Variants in PDZD2 observed in about 807,000 individuals in gnomAD.
The protein encoded by PDZD2 is PDZ domain containing 2.
A neutral mutation model predicts 220.7 loss-of-function variants in PDZD2; 90 were observed. The observed-to-expected ratio is 0.41, with a 90% CI of 0.34 to 0.49. The LOEUF is 0.49. Among genes scored for constraint, PDZD2 ranks in the 20% least tolerant of loss-of-function variants. The pLI is 0.28. For missense variants in PDZD2, 3,174 were observed against 3,608.5 expected (o/e 0.88, Z 3.08); for synonymous variants, 1,375 against 1,450.5 (o/e 0.95, Z 1.18).
At chr5:31,640,410 A>G (rs570398891) in intron 1 of PDZD2, among the ~76,000 whole-genome samples, 1 of 152,328 alleles carries the variant, frequency 6.6e-6, no homozygotes, top group Non-Finnish European at 1.5e-5. Context: ...GCTGAGTCTG[A>G]GTCTGTCCCC....
At chr5:31,708,849 A>G (rs1580597224) in intron 1 of PDZD2, among the ~76,000 whole-genome samples, 1 of 149,950 alleles carries the variant, frequency 6.7e-6, no homozygotes, top group East Asian at 1.9e-4. Flanking sequence ...TTGGATCTTG[A>G]TGGCCTGGGT....
chr5:31,766,072 CAGG>C (rs1210994607), intron 1 of PDZD2, among the ~76,000 whole-genome samples: 1 of 152,068 alleles, frequency 6.6e-6, no homozygotes, highest in Non-Finnish European at 1.5e-5. Flanking sequence ...CCCAGCTACT[CAGG>C]GGGCTGGGGT....
chr5:31,778,804 T>C (rs762711520), intron 1 of PDZD2, among the ~76,000 whole-genome samples: 2 of 152,078 alleles, frequency 1.3e-5, no homozygotes. Flanking sequence ...TTTAAATCAG[T>C]AAAGTAATAA....
chr5:31,883,337 C>T (rs1031538602), intron 2 of PDZD2, among the ~76,000 whole-genome samples: 5 of 148,346 alleles, frequency 3.4e-5, no homozygotes, highest in African/African-American at 4.9e-5. Context: ...TCTCCTGCCT[C>T]AGCCTCCTGA....
chr5:31,898,813 T>C (rs868241231), intron 2 of PDZD2, among the ~76,000 whole-genome samples: 4,369 of 150,254 alleles, frequency 0.029, 206 homozygotes, highest in African/African-American at 0.1. Flanking sequence ...CTCTTCTTTT[T>C]TTTTTTTTTT....
chr5:32,065,514 C>T (rs1052778231), intron 14 of PDZD2, among the ~76,000 whole-genome samples: 9 of 152,176 alleles, frequency 5.9e-5, no homozygotes, highest in African/African-American at 2.2e-4. Context: ...TCAATTTAGA[C>T]ACTCAGTGAT....
intron 14 of PDZD2, among the ~76,000 whole-genome samples, chr5:32,064,366 C>T (rs984710421): frequency 2.0e-5 from 3 of 151,928 alleles, no homozygotes; most frequent in African/African-American, 7.3e-5. Context: ...CTCAGCCTCC[C>T]GAGTAGCTGG....
chr5:31,969,713 C>G (rs1749120179), intron 2 of PDZD2, among the ~76,000 whole-genome samples: 1 of 151,676 alleles, frequency 6.6e-6, no homozygotes, highest in South Asian at 2.1e-4. Flanking sequence ...TGGTAAATTT[C>G]CTAAAAATCA....
chr5:31,739,198 TTTTAA>T (rs1488149575), intron 1 of PDZD2, among the ~76,000 whole-genome samples: 1 of 152,222 alleles, frequency 6.6e-6, no homozygotes, highest in East Asian at 1.9e-4. Flanking sequence ...ATATGCACAA[TTTTAA>T]TGTAAGTGGC....
In PDZD2 at chr5:32,040,444, C is replaced by G. The variant is rs556746074; in HGVS notation, c.1519+3102C>G. The stretch of plus-strand genomic sequence containing the variant: ...GGAGCGTCTCTGCCGGACTGCCCAT[C>G]GTCTGCGATGTGAGGAGCGCCTCTG... On this transcript the variant is annotated intron_variant, in intron 7 of 24. Coordinates refer to ENST00000438447, the MANE Select transcript of PDZD2 (RefSeq NM_178140.4). 6.3e-4 allele frequency among the ~76,000 whole-genome samples: 93 copies of G among 147,510 alleles called. 3 individuals are homozygous for G. The highest frequency in any genetic ancestry group is 2.3e-3 in the African/African-American group (91 of 39,702).
chr5:31,814,549 G>A (rs1365708155), intron 2 of PDZD2, among the ~76,000 whole-genome samples: 2 of 152,162 alleles, frequency 1.3e-5, no homozygotes, highest in African/African-American at 2.4e-5. Context: ...TAGCCCTGGT[G>A]TCGTGGCTTA....
In PDZD2 at chr5:32,025,694, C is replaced by T. The variant is rs115177823; in HGVS notation, c.1408-11537C>T. On this transcript the variant is annotated intron_variant, in intron 6 of 24. Coordinates refer to ENST00000438447, the MANE Select transcript of PDZD2 (RefSeq NM_178140.4). The stretch of plus-strand genomic sequence containing the variant: ...TCGGCTCACTACAACCTCCACCTCC[C>T]GTTTCAAGTGATTCTCTTGCCTCAG... Among the ~76,000 whole-genome samples, 465 of 141,014 alleles carry T rather than the reference C, an allele frequency of 3.3e-3. 3 individuals carry two copies. Among genetic ancestry groups the T allele is most frequent in the African/African-American group, 0.012 (439 of 37,862 alleles). The allele number at this position is 141,014 out of a possible 152,430, so 92.5% of individuals were successfully genotyped here. A position where few individuals can be genotyped will look rare whatever the true frequency, so the allele number is the denominator to read the frequency against.
At chr5:32,080,340 T>G (rs1741796293) in intron 19 of PDZD2, among the ~76,000 whole-genome samples, 2 of 95,928 alleles carry the variant, frequency 2.1e-5, no homozygotes, top group African/African-American at 4.4e-5. Context: ...AGAGCGAGAC[T>G]CCATCTCAAA....
At chr5:31,765,033 C>A (rs1016914114) in intron 1 of PDZD2, among the ~76,000 whole-genome samples, 4 of 151,864 alleles carry the variant, frequency 2.6e-5, no homozygotes, top group African/African-American at 9.7e-5. Flanking sequence ...GCCGAGATCA[C>A]GCTACTGCAC....
chr5:31,642,803 C>T (rs1744999013), intron 1 of PDZD2, among the ~76,000 whole-genome samples: 1 of 152,122 alleles, frequency 6.6e-6, no homozygotes, highest in Non-Finnish European at 1.5e-5. Flanking sequence ...ATGAGGAAAA[C>T]AGGGGAGGCA....
Position 32,098,432 on chromosome 5 carries a change from G to T in PDZD2, c.8016G>T (p.Leu2672=). The stretch of plus-strand genomic sequence containing the variant: ...CTATGAACCGAGGGGATTTCCTTCT[G>T]TCAGTCAACGGCGCCTCACTGGCTG... ...EGTMNRGDFL[L]SVNGASLAGL... Residue 2672 remains leucine (L), a synonymous_variant, in exon 23 of 25, where the codon CTG becomes CTT. Transcript: ENST00000438447. This position sits in a 1 kb window ranked among gnomAD's most constrained non-coding sequence, Gnocchi z 4.1. The T allele has an allele frequency of 1.9e-6, 3 of 1,614,150 alleles. No individual in the cohort carries two copies. The highest frequency in any genetic ancestry group is 2.5e-6 in the Non-Finnish European group (3 of 1,180,020).
intron 21 of PDZD2, among the ~76,000 whole-genome samples, chr5:32,096,975 A>G (rs1449393027): frequency 1.3e-5 from 2 of 151,682 alleles, no homozygotes; most frequent in African/African-American, 4.8e-5. Flanking sequence ...AGCTGGGACT[A>G]CAAGTGTGCA....
intron 2 of PDZD2, among the ~76,000 whole-genome samples, chr5:31,970,155 A>G (rs1479300775): frequency 6.6e-6 from 1 of 151,976 alleles, no homozygotes; most frequent in Non-Finnish European, 1.5e-5. Flanking sequence ...TCGGCCTCCC[A>G]AAGTGCTGGG....
intron 2 of PDZD2, among the ~76,000 whole-genome samples, chr5:31,955,037 C>G (rs747066036): frequency 1.3e-5 from 2 of 152,198 alleles, no homozygotes; most frequent in Admixed American, 6.5e-5. Context: ...GGAGCATCCC[C>G]AAGCCCCGTA....
Sources: gnomAD v4.1 joint callset for allele counts (sites outside exome capture counted in the v4.1 genomes callset) on GRCh38, gnomAD v4.1.1 for gene constraint, Gnocchi (gnomAD v3.1) non-coding constraint, MANE v1.5 for transcripts, NCBI Gene and HGNC (gene_info 2026-07-23, HGNC 2026-07-21) for gene names.